LGR6: variants seen among roughly 807,000 people sequenced by gnomAD.
LGR6 encodes the protein leucine rich repeat containing G protein-coupled receptor 6.
Under a neutral mutation model 69.4 loss-of-function variants are expected in LGR6, and 45 were observed. That is an observed-to-expected ratio of 0.65 (90% CI 0.51 to 0.83). LGR6 has a LOEUF of 0.83. LGR6 is among the 40% of genes least tolerant of loss of function. The pLI, the probability that LGR6 is intolerant of heterozygous loss-of-function variation, is 0.00. For synonymous variants in LGR6, 538 were observed against 555.0 expected, an observed-to-expected ratio of 0.97 and a Z score of 0.43; for missense variants, 1,108 against 1,246.7, an observed-to-expected ratio of 0.89 and a Z score of 1.68.
At chr1:202,248,836 A>G (rs1265625553) in intron 4 of LGR6, among the ~76,000 whole-genome samples, 1 of 152,050 alleles carries the variant, frequency 6.6e-6, no homozygotes, top group Non-Finnish European at 1.5e-5. Context: ...TCCTGCCTTT[A>G]TTGCCTGGTG....
At chr1:202,244,923 G>A (rs1662522240) in intron 4 of LGR6, among the ~76,000 whole-genome samples, 1 of 152,236 alleles carries the variant, frequency 6.6e-6, no homozygotes, top group Admixed American at 6.5e-5. Context: ...ATCTGGCCAA[G>A]TGAGGCCCAC....
chr1:202,244,018 G>A (rs1662431569), intron 4 of LGR6, among the ~76,000 whole-genome samples: 1 of 152,088 alleles, frequency 6.6e-6, no homozygotes. Context: ...GTGCAGTGGT[G>A]CAATCTCAGC....
Position 202,310,276 on chromosome 1 carries a change from G to A in LGR6, c.1486G>A (p.Glu496Lys), listed in dbSNP as rs1457925301. 2 of 1,614,022 alleles carry A rather than the reference G, an allele frequency of 1.2e-6. No individual in the cohort carries two copies. The highest frequency in any genetic ancestry group is 1.1e-5 in the South Asian group (1 of 91,072). Reference protein sequence around the residue: ...ASFFKASGQWEAEDLHLDDEE... With the variant: ...ASFFKASGQWKAEDLHLDDEE... ...CTTCTTCAAGGCCTCTGGGCAGTGG[G>A]AGGCTGAAGACCTTCACCTTGATGA... Residue 496 changes from glutamate to lysine, a missense_variant, in exon 16 of 18, where the codon GAG becomes AAG. By Grantham distance (56) the Glu-to-Lys change is moderately conservative. Coordinates refer to ENST00000367278, the MANE Select transcript of LGR6 (RefSeq NM_001017403.2).
intron 4 of LGR6, among the ~76,000 whole-genome samples, chr1:202,248,634 G>T (rs533948922): frequency 6.6e-6 from 1 of 152,288 alleles, no homozygotes; most frequent in East Asian, 1.9e-4. Context: ...CATGGTGTTT[G>T]GGGGGATGTG....
chr1:202,305,155 G>A (rs1285651794), intron 11 of LGR6, among the ~76,000 whole-genome samples: 3 of 152,054 alleles, frequency 2.0e-5, no homozygotes, highest in Admixed American at 6.5e-5. Context: ...CTGGGGGTCC[G>A]GAGACACAGG....
intron 4 of LGR6, among the ~76,000 whole-genome samples, chr1:202,266,309 G>A (rs887108119): frequency 2.0e-5 from 3 of 152,122 alleles, no homozygotes; most frequent in Non-Finnish European, 4.4e-5. Flanking sequence ...TCCAAAGAAT[G>A]TATAGGCTCT....
intron 7 of LGR6, among the ~76,000 whole-genome samples, chr1:202,300,587 C>T (rs1214769964): frequency 2.0e-5 from 3 of 150,636 alleles, no homozygotes; most frequent in Non-Finnish European, 3.0e-5. Flanking sequence ...CCCAGGAAGT[C>T]GAGGCTGCAC....
intron 4 of LGR6, among the ~76,000 whole-genome samples, chr1:202,237,338 C>G (rs1190075659): frequency 1.3e-5 from 2 of 152,246 alleles, no homozygotes; most frequent in East Asian, 3.9e-4. Flanking sequence ...TGCTCCCCAC[C>G]CGCAGGGGCA....
chr1:202,204,410 A>G (rs1223241586), intron 1 of LGR6, among the ~76,000 whole-genome samples: 1 of 98,272 alleles, frequency 1.0e-5, no homozygotes, highest in African/African-American at 4.1e-5. Context: ...CTCCAAACAC[A>G]CACCACACAC....
rs374916297 is a variant in LGR6, at chr1:202,203,814, C to T, written c.212+9613C>T. 4.3e-6 allele frequency: 7 copies of T among 1,613,678 alleles called. No homozygotes were observed. The African/African-American group carries it at 6.7e-5, about 15-fold the overall frequency. Reference sequence around the variant, plus strand: ...GTGGTGCAAAGGAAAACCCACAGGCCAAGGAATGGGAAGACCAAGGTTGAC... The same window carrying T: ...GTGGTGCAAAGGAAAACCCACAGGCTAAGGAATGGGAAGACCAAGGTTGAC... On this transcript the variant is annotated intron_variant, in intron 1 of 17. Coordinates refer to ENST00000367278, the MANE Select transcript of LGR6 (RefSeq NM_001017403.2).
chr1:202,237,138 C>T (rs1209210125), intron 4 of LGR6, among the ~76,000 whole-genome samples: 1 of 152,210 alleles, frequency 6.6e-6, no homozygotes, highest in African/African-American at 2.4e-5. Context: ...CTCGATCGAT[C>T]GGCCCCAGTG....
rs150875603 is a variant in LGR6, at chr1:202,306,884, C to T, written c.1153C>T (p.Arg385Cys). The change falls in exon 13 of 18, where the codon CGC (arginine) becomes TGC (cysteine). Residue 385 changes from arginine to cysteine, a missense_variant. Coordinates refer to ENST00000367278, the MANE Select transcript of LGR6 (RefSeq NM_001017403.2). ...CTGCCCTAGCGGCCTCCAACACAAC[C>T]GCATCTGGGAAATTGGAGCTGACAC... ...KLEEIGLQHN[R>C]IWEIGADTFS... 1.5e-4 allele frequency: 245 copies of T among 1,613,962 alleles called. No individual in the cohort carries two copies. Among genetic ancestry groups the T allele is most frequent in the Non-Finnish European group, 1.9e-4 (221 of 1,180,002 alleles).
rs991884762 is a variant in LGR6 at position 202,251,188 on chromosome 1, TCA to T, written c.428+15198_428+15199del. On this transcript the variant is annotated intron_variant, in intron 4 of 17. Coordinates refer to ENST00000367278, the MANE Select transcript of LGR6 (RefSeq NM_001017403.2). ...AGCACTGGCTCTCTGTGCTGTGAAT[TCA>T]CAGAGAGAAGGTGTATGAGGAGGCT... 3.9e-5 allele frequency among the ~76,000 whole-genome samples: 6 copies of T among 152,114 alleles called. No homozygotes were observed. The South Asian group carries it at 6.2e-4, about 16-fold the overall frequency.
intron 16 of LGR6, among the ~76,000 whole-genome samples, chr1:202,312,297 C>T (rs1319927739): frequency 1.3e-5 from 2 of 152,244 alleles, no homozygotes; most frequent in East Asian, 1.9e-4. Flanking sequence ...ACAGAGTCCA[C>T]GGGTTTCACC....
chr1:202,232,220 C>T (rs1661143687), intron 3 of LGR6, among the ~76,000 whole-genome samples: 2 of 152,130 alleles, frequency 1.3e-5, no homozygotes, highest in Admixed American at 1.3e-4. Flanking sequence ...CCTACCCACC[C>T]CATAACCCCC....
In LGR6 at chr1:202,318,610, C is replaced by T. The variant is rs776683644; in HGVS notation, c.2307C>T (p.Cys769=). Reference sequence around the variant, plus strand: ...GCGACTTTGAGGCCGTGTGGGACTGCGCCATGGTGAGGCACGTGGCCTGGC... The same window carrying T: ...GCGACTTTGAGGCCGTGTGGGACTGTGCCATGGTGAGGCACGTGGCCTGGC... ...PRGDFEAVWD[C]AMVRHVAWLI... Residue 769 remains cysteine, a synonymous_variant, in exon 18 of 18, where the codon TGC becomes TGT. Coordinates refer to ENST00000367278, the MANE Select transcript of LGR6 (RefSeq NM_001017403.2). 2.2e-5 allele frequency: 35 copies of T among 1,613,852 alleles called. No individual in the cohort carries two copies. Among genetic ancestry groups the T allele is most frequent in the Admixed American group, 8.3e-5 (5 of 60,012 alleles).
intron 10 of LGR6, 131 bp from the exon 11 acceptor site, chr1:202,304,426 GTC>G: frequency 1.9e-6 from 1 of 532,646 alleles, no homozygotes; most frequent in Non-Finnish European, 3.3e-6. Flanking sequence ...CCCCTGCCCT[GTC>G]TCTCCCTCCA....
chr1:202,216,772 C>T (rs765652970), intron 1 of LGR6, among the ~76,000 whole-genome samples: 27 of 152,240 alleles, frequency 1.8e-4, no homozygotes, highest in Non-Finnish European at 3.8e-4. Context: ...CCTTTAACTT[C>T]TCTGCCTGTG....
intron 14 of LGR6, among the ~76,000 whole-genome samples, chr1:202,308,388 A>G (rs1379897238): frequency 6.6e-6 from 1 of 152,198 alleles, no homozygotes; most frequent in African/African-American, 2.4e-5. Flanking sequence ...CGAGTTGGTG[A>G]CAGTGCCAGG....
Sources: allele counts gnomAD v4.1 joint callset (sites outside exome capture counted in the v4.1 genomes callset), GRCh38; gene constraint gnomAD v4.1.1; transcripts MANE v1.5; gene names NCBI Gene and HGNC (gene_info 2026-07-23, HGNC 2026-07-21).